DAB1: variants seen among roughly 807,000 people sequenced by gnomAD.
DAB1 encodes the protein disabled homolog 1.
In DAB1, 15 loss-of-function variants were observed where a neutral mutation model predicts 64.6. The observed-to-expected ratio is 0.23, with a 90% confidence interval of 0.16 to 0.36. The LOEUF is 0.36. DAB1 is among the 10% of genes least tolerant of loss of function. DAB1 has a pLI of 1.00. For synonymous variants in DAB1, 235 were observed against 251.9 expected (o/e 0.93, Z 0.64); for missense variants, 596 against 706.7 (o/e 0.84, Z 1.78).
chr1:58,346,050 T>G (rs896422659), intron 3 of DAB1, among the ~76,000 whole-genome samples: 1 of 152,184 alleles, frequency 6.6e-6, no homozygotes, highest in African/African-American at 2.4e-5. Context: ...TGGGACTCCA[T>G]CACCATCACT....
At chr1:57,766,281 AC>A (rs1363449748) in intron 6 of DAB1, among the ~76,000 whole-genome samples, 1 of 142,640 alleles carries the variant, frequency 7.0e-6, no homozygotes, top group Non-Finnish European at 1.5e-5. Flanking sequence ...AAAAAAAAAA[AC>A]CCAAAAAACA....
chr1:57,545,284 T>G (rs1422402178), intron 7 of DAB1, among the ~76,000 whole-genome samples: 2 of 152,228 alleles, frequency 1.3e-5, no homozygotes, highest in Non-Finnish European at 2.9e-5. Context: ...TTTTCTATCC[T>G]CCTAGTCTGC....
intron 7 of DAB1, among the ~76,000 whole-genome samples, chr1:57,433,293 T>A (rs774993005): frequency 1.2e-4 from 19 of 152,146 alleles, no homozygotes; most frequent in Non-Finnish European, 2.5e-4. Context: ...AGAAGGTTTA[T>A]CCTACCTGAT....
intron 1 of DAB1, among the ~76,000 whole-genome samples, chr1:57,855,546 TATAGGGAC>T (rs1384272580): frequency 5.9e-5 from 9 of 152,176 alleles, no homozygotes; most frequent in African/African-American, 2.2e-4. Context: ...CGGTCTTTGA[TATAGGGAC>T]ATAGGGACAG....
chr1:57,210,201 G>C (rs1445412421), intron 2 of DAB1, among the ~76,000 whole-genome samples: 3 of 152,142 alleles, frequency 2.0e-5, no homozygotes, highest in Non-Finnish European at 4.4e-5. Flanking sequence ...TGTGTTGCTA[G>C]AGCCATCATT....
intron 7 of DAB1, among the ~76,000 whole-genome samples, chr1:57,621,273 T>TGTGTGTGC (rs1553201073): frequency 6.8e-4 from 102 of 148,946 alleles, no homozygotes; most frequent in African/African-American, 2.2e-3. Context: ...TGTGTGTGTG[T>TGTGTGTGC]GTGTGCGTGT....
chr1:57,181,698 C>A, intron 2 of DAB1, among the ~76,000 whole-genome samples: 1 of 152,206 alleles, frequency 6.6e-6, no homozygotes, highest in African/African-American at 2.4e-5. Flanking sequence ...AAATTAAGTA[C>A]AAATGTGTAT....
chr1:57,511,094 T>C (rs1258822959), intron 7 of DAB1, among the ~76,000 whole-genome samples: 1 of 152,196 alleles, frequency 6.6e-6, no homozygotes, highest in Non-Finnish European at 1.5e-5. Context: ...ATCTCTTGAC[T>C]GGATGATTGC....
At chr1:57,819,850 G>A (rs569575980) in intron 6 of DAB1, among the ~76,000 whole-genome samples, 28 of 152,150 alleles carry the variant, frequency 1.8e-4, no homozygotes, top group Admixed American at 2.6e-4. Context: ...GTCTCCCTAG[G>A]AGAAAAAAAC....
At chr1:57,193,373 T>TAGC (rs1313891046) in intron 2 of DAB1, among the ~76,000 whole-genome samples, 2 of 141,306 alleles carry the variant, frequency 1.4e-5, no homozygotes, top group Non-Finnish European at 3.0e-5. Flanking sequence ...GATTCATCCG[T>TAGC]AGCATATGTT....
At chr1:57,861,905 T>C (rs897362702) in intron 1 of DAB1, among the ~76,000 whole-genome samples, 1 of 151,986 alleles carries the variant, frequency 6.6e-6, no homozygotes, top group African/African-American at 2.4e-5. Flanking sequence ...AAGTCCAGTA[T>C]TTCTCTGAAG....
chr1:58,401,066 T>C (rs1644564929), intron 3 of DAB1, among the ~76,000 whole-genome samples: 1 of 152,164 alleles, frequency 6.6e-6, no homozygotes, highest in Non-Finnish European at 1.5e-5. Flanking sequence ...CCCTGTCTGA[T>C]CCTAATTCCA....
chr1:57,346,036 A>G (rs1570333033), intron 1 of DAB1, among the ~76,000 whole-genome samples: 1 of 152,304 alleles, frequency 6.6e-6, no homozygotes, highest in East Asian at 1.9e-4. Flanking sequence ...GAGAGAAGAA[A>G]CCTGTCCAAG....
chr1:58,298,685 G>A (rs988859820), intron 4 of DAB1, among the ~76,000 whole-genome samples: 1 of 152,220 alleles, frequency 6.6e-6, no homozygotes, highest in Non-Finnish European at 1.5e-5. Context: ...GACTAGAACT[G>A]AGCCAAACAA....
At chr1:57,303,629 A>G (rs1346486332) in intron 1 of DAB1, among the ~76,000 whole-genome samples, 1 of 152,190 alleles carries the variant, frequency 6.6e-6, no homozygotes, top group Non-Finnish European at 1.5e-5. Flanking sequence ...GAGTTAGCAG[A>G]AGTGAGCACT....
At chr1:57,930,835 A>G (rs1043557626) in intron 5 of DAB1, among the ~76,000 whole-genome samples, 2 of 152,124 alleles carry the variant, frequency 1.3e-5, no homozygotes, top group Admixed American at 1.3e-4. Flanking sequence ...CTTCCCAATC[A>G]GTTTACCTTT....
intron 4 of DAB1, among the ~76,000 whole-genome samples, chr1:58,238,620 A>C (rs1324256814): frequency 6.6e-6 from 1 of 152,190 alleles, no homozygotes; most frequent in Non-Finnish European, 1.5e-5. Flanking sequence ...ATTAGTAAAC[A>C]AATGTGTGAT....
At chr1:57,415,274 CACACACATATAT>C (rs1684406953) in intron 1 of DAB1, among the ~76,000 whole-genome samples, 1 of 147,196 alleles carries the variant, frequency 6.8e-6, no homozygotes, top group Non-Finnish European at 1.5e-5. Flanking sequence ...CACACACACA[CACACACATATAT>C]GCACACACTC....
At chr1:57,799,305 C>A (rs912005930) in intron 6 of DAB1, among the ~76,000 whole-genome samples, 2 of 152,160 alleles carry the variant, frequency 1.3e-5, no homozygotes, top group Non-Finnish European at 2.9e-5. Context: ...AAAAGCTGGG[C>A]TGCTGTTAGA....
Sources: allele counts gnomAD v4.1 joint callset (sites outside exome capture counted in the v4.1 genomes callset), GRCh38; gene constraint gnomAD v4.1.1; transcripts MANE v1.5; gene names NCBI Gene and HGNC (gene_info 2026-07-23, HGNC 2026-07-21).